Variants in DDX23 observed in about 807,000 individuals in gnomAD.
DDX23 encodes probable ATP-dependent RNA helicase DDX23.
A neutral mutation model predicts 102.7 loss-of-function variants in DDX23; 33 were observed. The ratio of observed to expected loss-of-function variants is 0.32; its 90% CI spans 0.24 to 0.43. The LOEUF (loss-of-function observed/expected upper bound fraction) is 0.43. DDX23 is among the 20% of genes least tolerant of loss of function. The pLI is 1.00. For synonymous variants in DDX23, 352 were observed against 376.0 expected (o/e 0.94, Z 0.74); for missense variants, 549 against 1,086.6 (o/e 0.51, Z 6.96).
At chr12:48,834,011 T>C (rs953240910) in intron 12 of DDX23, among the ~76,000 whole-genome samples, 2 of 152,218 alleles carry the variant, frequency 1.3e-5, no homozygotes, top group African/African-American at 2.4e-5. Context: ...GCACAGGCTA[T>C]GGATATGAGT....
chr12:48,833,561 CCTT>C, intron 12 of DDX23, 42 bp from the exon 13 acceptor site: 2 of 1,595,900 alleles, frequency 1.3e-6, no homozygotes, highest in African/African-American at 1.3e-5. Flanking sequence ...AGCAGGTGCC[CCTT>C]CTTTTCTTTC....
In DDX23 at chr12:48,829,798, ACTTAT is replaced by A. The variant is rs1938352203; in HGVS notation, c.*666_*670del. ...ATGTATTTATTCTCAGAACATACAAACTTATCTTCTCAGAGAATAGAAAACAGAGA... is the reference window on the plus strand; with the variant it reads ...ATGTATTTATTCTCAGAACATACAAACTTCTCAGAGAATAGAAAACAGAGA... On this transcript the variant is annotated 3_prime_UTR_variant, in exon 17 of 17. Coordinates refer to ENST00000308025, the MANE Select transcript of DDX23 (RefSeq NM_004818.3). 1 of 213,806 alleles carries A rather than the reference ACTTAT, an allele frequency of 4.7e-6. No homozygotes were observed. 13.2% of individuals were successfully genotyped at this position (213,806 alleles called of 1,614,324 possible).
intron 1 of DDX23, 76 bp from the exon 2 acceptor site, chr12:48,845,858 C>A: frequency 6.9e-7 from 1 of 1,452,882 alleles, no homozygotes; most frequent in South Asian, 1.2e-5. Flanking sequence ...CAATTACCCT[C>A]AAAACAACCC....
At chr12:48,833,945 T>C (rs1181684435) in intron 12 of DDX23, among the ~76,000 whole-genome samples, 1 of 152,138 alleles carries the variant, frequency 6.6e-6, no homozygotes, top group East Asian at 1.9e-4. Flanking sequence ...TTTCCTGAGA[T>C]GAAGGCAATG....
chr12:48,842,448 T>TG (rs1938577866), intron 3 of DDX23, among the ~76,000 whole-genome samples: 3 of 69,720 alleles, frequency 4.3e-5, no homozygotes, highest in Admixed American at 1.6e-4. Context: ...GGGAGGGAGG[T>TG]AGGGGGGTCA....
At position 48,845,761 on chromosome 12, in the gene DDX23, T is replaced by G; in HGVS notation, c.22A>C (p.Lys8Gln). The change falls in exon 2 of 17, where the codon AAA (lysine) becomes CAA (glutamine). Residue 8 changes from lysine to glutamine, a missense_variant. Transcript: ENST00000308025. The part of the protein sequence containing the change: MAGELAD[K>Q]KDRDASPSKE... The stretch of plus-strand genomic sequence containing the variant: ...GAAGGTGATGCATCACGGTCCTTTT[T>G]GTCAGCCAGCTCTCCTGCCATCTGT... 6.2e-7 allele frequency: 1 copy of G among 1,614,200 alleles called. No individual in the cohort carries two copies. Among genetic ancestry groups the G allele is most frequent in the East Asian group, 2.2e-5 (1 of 44,884 alleles).
At chr12:48,847,834 TAAAAA>T (rs1210291064) in intron 1 of DDX23, among the ~76,000 whole-genome samples, 1 of 150,162 alleles carries the variant, frequency 6.7e-6, no homozygotes, top group Admixed American at 6.6e-5. Flanking sequence ...AAATAAAAAA[TAAAAA>T]AAACACTTAC....
chr12:48,842,695 G>A (rs1445770446), intron 3 of DDX23, among the ~76,000 whole-genome samples: 47 of 145,960 alleles, frequency 3.2e-4, no homozygotes, highest in Admixed American at 9.5e-4. Flanking sequence ...CCCCCCGCCC[G>A]GCCAGCCGCC....
intron 3 of DDX23, among the ~76,000 whole-genome samples, chr12:48,840,858 T>C (rs1417333264): frequency 1.3e-5 from 2 of 151,642 alleles, no homozygotes; most frequent in Non-Finnish European, 2.9e-5. Context: ...TGGCCCTCCT[T>C]AACTCTTTAA....
Position 48,830,836 on chromosome 12 carries a change from C to A in DDX23, c.2240-144G>T. 1 of 876,402 alleles carries A rather than the reference C, an allele frequency of 1.1e-6. No individual in the cohort carries two copies. Among genetic ancestry groups the A allele is most frequent in the Non-Finnish European group, 1.7e-6 (1 of 582,752 alleles). The allele number at this position is 876,402 out of a possible 1,614,324, so 54.3% of individuals were successfully genotyped here. The stretch of plus-strand genomic sequence containing the variant: ...ATGCTGCCTGAACCTGAGGCGCCCA[C>A]AGTGCCCTCTCCAGGTGCCCATCTC... On this transcript the variant is annotated intron_variant, in intron 16 of 16. Coordinates refer to ENST00000308025, the MANE Select transcript of DDX23 (RefSeq NM_004818.3). This position sits in a 1 kb window ranked among gnomAD's most constrained non-coding sequence, Gnocchi z 4.9.
Position 48,832,989 on chromosome 12 carries a change from C to T in DDX23, c.1803+288G>A, listed in dbSNP as rs960107792. On this transcript the variant is annotated intron_variant, in intron 13 of 16. Transcript: ENST00000308025. This position sits in a 1 kb window ranked among gnomAD's most constrained non-coding sequence, Gnocchi z 4.4. ...AGGTTGGCAACCTTGTACAACTTTT[C>T]TTTTTTTTTGAGACAGGGCCTCACT... 1.1e-5 allele frequency: 5 copies of T among 462,060 alleles called. No homozygotes were observed. In the Admixed American group the frequency reaches 1.5e-4, roughly 14 times the overall value. The allele number at this position is 462,060 out of a possible 1,614,324, so 28.6% of individuals were successfully genotyped here.
chr12:48,838,983 T>A (rs944700331), intron 5 of DDX23, among the ~76,000 whole-genome samples: 14 of 151,994 alleles, frequency 9.2e-5, no homozygotes, highest in African/African-American at 3.4e-4. Context: ...TCAAGCAATA[T>A]CCTTGCCTCA....
rs1210693110 is a variant in DDX23, at chr12:48,840,064, G to C, written c.363C>G (p.Asp121Glu). The C allele has an allele frequency of 3.1e-6, 5 of 1,613,998 alleles. No homozygotes were observed. The highest frequency in any genetic ancestry group is 1.7e-5 in the Admixed American group (1 of 60,004). The change falls in exon 4 of 17, where the codon GAC becomes GAG. Residue 121 changes from aspartate to glutamate, a missense_variant. Around this residue, in one of 4 missense-constraint regions of DDX23, gnomAD observed 241 missense variants for 267.0 expected, o/e 0.90. Coordinates refer to ENST00000308025, the MANE Select transcript of DDX23 (RefSeq NM_004818.3). ...GRGKDFKSRK[D>E]RDSKKDEEDE... is the part of the protein sequence containing the mutation. Reference sequence around the variant, plus strand: ...CCTCTTCATCCTTCTTAGAGTCTCTGTCCTTCCGAGATTTAAAGTCTTTTC... The same window carrying C: ...CCTCTTCATCCTTCTTAGAGTCTCTCTCCTTCCGAGATTTAAAGTCTTTTC...
At chr12:48,842,459 GC>G (rs1938578374) in intron 3 of DDX23, among the ~76,000 whole-genome samples, 1 of 129,582 alleles carries the variant, frequency 7.7e-6, no homozygotes, top group Non-Finnish European at 1.6e-5. Context: ...AGGGGGGTCA[GC>G]CCCCCGCCCG....
Position 48,836,406 on chromosome 12 carries a change from A to G in DDX23, c.1237-140T>C. ...ACAGAAATAGGGACCCCAAGAAGAA[A>G]CCTAATCACTAAAAGCCAACACTTC... is the stretch of plus-strand genomic sequence containing the variant. On this transcript the variant is annotated intron_variant, in intron 10 of 16. Coordinates refer to ENST00000308025, the MANE Select transcript of DDX23 (RefSeq NM_004818.3). The surrounding 1 kb of genome is among the most constrained non-coding windows in gnomAD (Gnocchi z 6.1). 3.2e-6 allele frequency: 4 copies of G among 1,263,616 alleles called. No homozygotes were observed. In the South Asian group the frequency reaches 5.7e-5, roughly 18 times the overall value. 78.3% of individuals were successfully genotyped at this position (1,263,616 alleles called of 1,614,324 possible).
intron 1 of DDX23, among the ~76,000 whole-genome samples, chr12:48,850,399 T>G (rs1938736965): frequency 6.6e-6 from 1 of 152,188 alleles, no homozygotes; most frequent in Non-Finnish European, 1.5e-5. Context: ...ATCAAACGTT[T>G]CATTTTGGCC....
intron 12 of DDX23, among the ~76,000 whole-genome samples, 198 bp from the exon 13 acceptor site, chr12:48,833,717 G>A (rs941661102): frequency 2.0e-5 from 3 of 152,068 alleles, no homozygotes; most frequent in Non-Finnish European, 4.4e-5. Flanking sequence ...GAATGAATGA[G>A]GTCTCTGAGT....
At position 48,832,246 on chromosome 12, in the gene DDX23, A is replaced by G; in HGVS notation, c.1956-60T>C. 6.3e-7 allele frequency: 1 copy of G among 1,589,666 alleles called. No homozygotes were observed. Among genetic ancestry groups the G allele is most frequent in the South Asian group, 1.1e-5 (1 of 90,416 alleles). ...ACCTCCCACTCCAAGTGAAATGCCC[A>G]ACCCTCATCTATGAACACTACTTTC... On this transcript the variant is annotated intron_variant, in intron 14 of 16. Transcript: ENST00000308025. The surrounding 1 kb of genome is among the most constrained non-coding windows in gnomAD (Gnocchi z 4.4).
chr12:48,844,187 C>A (rs1020386554), intron 2 of DDX23, 137 bp from the exon 3 acceptor site: 1 of 809,128 alleles, frequency 1.2e-6, no homozygotes, highest in Non-Finnish European at 2.1e-6. Context: ...ACGGAAATAA[C>A]GAGGGAATTC....
Sources: allele counts gnomAD v4.1 joint callset (sites outside exome capture counted in the v4.1 genomes callset), GRCh38; gene constraint gnomAD v4.1.1; regional missense constraint gnomAD v4.1.1; non-coding constraint Gnocchi (gnomAD v3.1); transcripts MANE v1.5; gene names NCBI Gene and HGNC (gene_info 2026-07-23, HGNC 2026-07-21).